CDH13: variants seen among roughly 807,000 people sequenced by gnomAD.
CDH13 encodes cadherin 13.
Under a neutral mutation model 63.8 loss-of-function variants are expected in CDH13, and 24 were observed. That is an observed-to-expected ratio of 0.38 (90% CI 0.27 to 0.53). CDH13 has a LOEUF of 0.53. Among genes scored for constraint, CDH13 ranks in the 20% least tolerant of loss-of-function variants. The pLI, the probability that CDH13 is intolerant of heterozygous loss-of-function variation, is 0.85. For missense variants in CDH13, 1,049 were observed against 903.1 expected (o/e 1.16, Z -2.07); for synonymous variants, 503 against 355.3 (o/e 1.42, Z -4.67).
intron 12 of CDH13, 91 bp from the exon 13 acceptor site, chr16:83,783,163 C>A (rs1017997751): frequency 8.7e-6 from 7 of 803,248 alleles, no homozygotes; most frequent in Non-Finnish European, 1.5e-5. Context: ...AAATGCAATG[C>A]CTGTTTGGTG....
At chr16:83,333,967 A>C (rs1315367265) in intron 5 of CDH13, among the ~76,000 whole-genome samples, 2 of 152,166 alleles carry the variant, frequency 1.3e-5, no homozygotes, top group African/African-American at 4.8e-5. Context: ...TAAGCTGAGA[A>C]TCCAACATGT....
At chr16:83,597,732 T>A (rs1201065514) in intron 7 of CDH13, among the ~76,000 whole-genome samples, 2 of 152,250 alleles carry the variant, frequency 1.3e-5, no homozygotes, top group Non-Finnish European at 2.9e-5. Context: ...GATTCTCTAC[T>A]AGGTTAATCA....
intron 1 of CDH13, among the ~76,000 whole-genome samples, chr16:82,712,879 A>G (rs372418199): frequency 6.6e-6 from 1 of 151,440 alleles, no homozygotes; most frequent in Admixed American, 6.6e-5. Flanking sequence ...TCTGGGGGCC[A>G]CTCTCATTTT....
At chr16:83,192,918 C>T (rs2038764853) in intron 4 of CDH13, among the ~76,000 whole-genome samples, 1 of 151,954 alleles carries the variant, frequency 6.6e-6, no homozygotes, top group African/African-American at 2.4e-5. Context: ...GTGTCTTTAC[C>T]CCAAAAACCA....
At chr16:83,462,861 A>G (rs1359279133) in intron 6 of CDH13, among the ~76,000 whole-genome samples, 8 of 152,138 alleles carry the variant, frequency 5.3e-5, no homozygotes, top group African/African-American at 1.7e-4. Context: ...AATTTGTCCA[A>G]TAAAAGTTTA....
rs972373097 is a variant in CDH13, at chr16:82,644,314, C to G, written c.45+17177C>G. On this transcript the variant is annotated intron_variant, in intron 1 of 13. Coordinates refer to ENST00000567109, the MANE Select transcript of CDH13 (RefSeq NM_001257.5). The surrounding 1 kb of genome is among the most constrained non-coding windows in gnomAD (Gnocchi z 5.7). Reference sequence around the variant, plus strand: ...CTCATCACTCTGCAAATCAAGGCCCCCCGAACTCCTCCCACCCCTGCCTTC... The same window carrying G: ...CTCATCACTCTGCAAATCAAGGCCCGCCGAACTCCTCCCACCCCTGCCTTC... Among the ~76,000 whole-genome samples the G allele has an allele frequency of 6.6e-6, 1 of 152,184 alleles. No homozygotes were observed. The highest frequency in any genetic ancestry group is 2.1e-4 in the South Asian group (1 of 4,806).
chr16:83,339,323 C>G (rs779617650), intron 5 of CDH13, among the ~76,000 whole-genome samples: 15 of 152,118 alleles, frequency 9.9e-5, no homozygotes, highest in African/African-American at 3.6e-4. Context: ...ATCATACTTT[C>G]TGGTTGCTCA....
In CDH13 at chr16:83,130,450, C is replaced by T. The variant is rs552778955; in HGVS notation, c.483+4949C>T. Among the ~76,000 whole-genome samples the T allele has an allele frequency of 9.1e-4, 138 of 152,286 alleles. 1 individual carries two copies. The highest frequency in any genetic ancestry group is 3.3e-3 in the African/African-American group (137 of 41,558). On this transcript the variant is annotated intron_variant, in intron 4 of 13. Transcript: ENST00000567109. Reference sequence around the variant, plus strand: ...TGAAATATCTTCACTGACAATTTCTCTTTTTAAAACAGCATTAAAATTGAG... The same window carrying T: ...TGAAATATCTTCACTGACAATTTCTTTTTTTAAAACAGCATTAAAATTGAG...
chr16:83,646,943 C>A (rs908199798), intron 8 of CDH13, among the ~76,000 whole-genome samples: 2 of 151,748 alleles, frequency 1.3e-5, no homozygotes, highest in Admixed American at 1.3e-4. Context: ...GCATCATTTA[C>A]GTTTTGTCCT....
chr16:82,967,732 T>C (rs1352351080), intron 2 of CDH13, among the ~76,000 whole-genome samples: 1 of 152,216 alleles, frequency 6.6e-6, no homozygotes. Context: ...GGCAGTATTG[T>C]GTCCTTCACA....
At chr16:83,753,467 C>A (rs751768495) in intron 11 of CDH13, among the ~76,000 whole-genome samples, 1 of 152,094 alleles carries the variant, frequency 6.6e-6, no homozygotes, top group South Asian at 2.1e-4. Flanking sequence ...ATCACCTGAA[C>A]CCAGGTAGGT....
chr16:82,976,526 C>G (rs1473622481), intron 2 of CDH13, among the ~76,000 whole-genome samples: 4 of 152,102 alleles, frequency 2.6e-5, no homozygotes, highest in African/African-American at 9.7e-5. Flanking sequence ...GTCATTTAGT[C>G]TGTCCCTGTG....
chr16:82,767,220 C>A (rs980564227), intron 1 of CDH13, among the ~76,000 whole-genome samples: 1 of 152,210 alleles, frequency 6.6e-6, no homozygotes, highest in African/African-American at 2.4e-5. Context: ...AACAAATACA[C>A]ACATCTGTGT....
At chr16:83,353,854 C>A (rs376798492) in intron 6 of CDH13, among the ~76,000 whole-genome samples, 2 of 152,188 alleles carry the variant, frequency 1.3e-5, no homozygotes, top group Non-Finnish European at 2.9e-5. Context: ...TAAAAATAAA[C>A]GCTTAATAGC....
intron 10 of CDH13, among the ~76,000 whole-genome samples, chr16:83,682,356 C>T (rs548621328): frequency 1.3e-5 from 2 of 152,036 alleles, no homozygotes; most frequent in Non-Finnish European, 2.9e-5. Flanking sequence ...TCCGGGTGCA[C>T]ATGTGCAGCA....
chr16:82,875,132 G>A (rs1387723706), intron 2 of CDH13, among the ~76,000 whole-genome samples: 2 of 152,204 alleles, frequency 1.3e-5, no homozygotes, highest in African/African-American at 4.8e-5. Context: ...TAGAATGAGT[G>A]AGGCCAAAGC....
At chr16:83,091,407 G>T (rs2033901957) in intron 3 of CDH13, among the ~76,000 whole-genome samples, 1 of 152,210 alleles carries the variant, frequency 6.6e-6, no homozygotes, top group Admixed American at 6.5e-5. Flanking sequence ...ACCAAATCAT[G>T]AGATGTTGCC....
chr16:83,355,403 A>C (rs969344333), intron 6 of CDH13, among the ~76,000 whole-genome samples: 1 of 152,194 alleles, frequency 6.6e-6, no homozygotes, highest in African/African-American at 2.4e-5. Context: ...TCTCTTTCTC[A>C]GCAACACAGT....
At chr16:83,044,701 C>T (rs1218156373) in intron 3 of CDH13, among the ~76,000 whole-genome samples, 1 of 152,172 alleles carries the variant, frequency 6.6e-6, no homozygotes, top group Non-Finnish European at 1.5e-5. Flanking sequence ...GTGTGTTTTT[C>T]GTTTTCTGAG....
Sources: gnomAD v4.1 joint callset for allele counts (sites outside exome capture counted in the v4.1 genomes callset) on GRCh38, gnomAD v4.1.1 for gene constraint, Gnocchi (gnomAD v3.1) non-coding constraint, MANE v1.5 for transcripts, NCBI Gene and HGNC (gene_info 2026-07-23, HGNC 2026-07-21) for gene names.